Variants in LYN observed in about 807,000 individuals in gnomAD.
LYN encodes the protein tyrosine-protein kinase Lyn.
In LYN, 12 loss-of-function variants were observed where a neutral mutation model predicts 65.0. That is an observed-to-expected ratio of 0.18 (90% CI 0.12 to 0.30). The LOEUF is 0.30. Ranked by LOEUF, LYN falls within the 10% of genes least tolerant of loss-of-function variation. LYN has a pLI of 1.00. For missense variants in LYN, 380 were observed against 623.2 expected (o/e 0.61, Z 4.16); for synonymous variants, 222 against 221.2 (o/e 1.00, Z -0.03).
intron 1 of LYN, among the ~76,000 whole-genome samples, chr8:55,911,285 A>ATT (rs1209633804): frequency 2.9e-4 from 8 of 27,774 alleles, no homozygotes; most frequent in East Asian, 1.2e-3. Context: ...ATATATATAT[A>ATT]TTTTTTTTTT....
At chr8:56,000,555 CG>C (rs1204493421) in intron 12 of LYN, among the ~76,000 whole-genome samples, 1 of 151,524 alleles carries the variant, frequency 6.6e-6, no homozygotes, top group Non-Finnish European at 1.5e-5. Flanking sequence ...GGTGAAACCC[CG>C]TCATTACTAA....
At chr8:55,939,274 T>C (rs1806527587) in intron 1 of LYN, among the ~76,000 whole-genome samples, 1 of 152,158 alleles carries the variant, frequency 6.6e-6, no homozygotes, top group Non-Finnish European at 1.5e-5. Flanking sequence ...AGTGAGGCCA[T>C]GCTAATTCTC....
chr8:55,916,580 G>A (rs1187984542), intron 1 of LYN, among the ~76,000 whole-genome samples: 1 of 151,716 alleles, frequency 6.6e-6, no homozygotes, highest in Non-Finnish European at 1.5e-5. Flanking sequence ...TGTGTTTGAC[G>A]ATGATCCCTG....
intron 5 of LYN, 51 bp from the exon 6 acceptor site, chr8:55,950,628 CTT>C: frequency 6.3e-7 from 1 of 1,574,836 alleles, no homozygotes; most frequent in Non-Finnish European, 8.7e-7. Context: ...TATTCTTCAC[CTT>C]TTTCTTGCCG....
At chr8:55,914,151 G>T (rs1345079834) in intron 1 of LYN, among the ~76,000 whole-genome samples, 1 of 151,852 alleles carries the variant, frequency 6.6e-6, no homozygotes, top group Non-Finnish European at 1.5e-5. Context: ...GAGGGAATAT[G>T]AATGGCATGG....
chr8:55,973,067 G>A (rs1389997943), intron 10 of LYN, among the ~76,000 whole-genome samples: 1 of 152,174 alleles, frequency 6.6e-6, no homozygotes, highest in African/African-American at 2.4e-5. Context: ...AGCCCTAGAA[G>A]AATAAGGGAA....
chr8:55,888,337 T>C (rs1027856143), intron 1 of LYN, among the ~76,000 whole-genome samples: 2 of 152,156 alleles, frequency 1.3e-5, no homozygotes, highest in African/African-American at 4.8e-5. Flanking sequence ...AGTGGGAGGC[T>C]CCACAGGCAG....
intron 10 of LYN, among the ~76,000 whole-genome samples, chr8:55,990,891 C>A (rs539741153): frequency 6.6e-6 from 1 of 152,296 alleles, no homozygotes; most frequent in Non-Finnish European, 1.5e-5. Context: ...ATGTTTTAAA[C>A]CTCATACCCT....
chr8:55,881,364 G>A (rs111253430), intron 1 of LYN, among the ~76,000 whole-genome samples: 2 of 152,216 alleles, frequency 1.3e-5, no homozygotes, highest in Admixed American at 6.5e-5. Flanking sequence ...GTGGGCTACA[G>A]GGATGTTTTC....
chr8:55,988,741 G>A (rs942483308), intron 10 of LYN, among the ~76,000 whole-genome samples: 2 of 152,092 alleles, frequency 1.3e-5, no homozygotes, highest in South Asian at 2.1e-4. Context: ...TTCAGTTCCA[G>A]TTTCTCATTT....
chr8:56,010,471 C>T lies in LYN; in HGVS notation c.*361C>T, dbSNP rs1808783121. On this transcript the variant is annotated 3_prime_UTR_variant, in exon 13 of 13. Coordinates refer to ENST00000519728, the MANE Select transcript of LYN (RefSeq NM_002350.4). Reference sequence around the variant, plus strand: ...GGACTCAAAGTTTCAGAGACCATTGCAATGAATCCCCAATAATTGCAGAAC... The same window carrying T: ...GGACTCAAAGTTTCAGAGACCATTGTAATGAATCCCCAATAATTGCAGAAC... The T allele has an allele frequency of 6.7e-6, 2 of 300,052 alleles. No individual in the cohort carries two copies. The highest frequency in any genetic ancestry group is 2.1e-5 in the African/African-American group (1 of 47,656). 18.6% of individuals were successfully genotyped at this position (300,052 alleles called of 1,614,324 possible). A position where few individuals can be genotyped will look rare whatever the true frequency, so the allele number is the denominator to read the frequency against.
At chr8:55,946,329 G>C (rs57006402) in intron 2 of LYN, 119 bp from the exon 3 acceptor site, 1 of 734,930 alleles carries the variant, frequency 1.4e-6, no homozygotes, top group East Asian at 2.5e-5. Context: ...TGTTCTTTCT[G>C]ACTTAATAAA....
At chr8:55,960,000 A>T (rs542391442) in intron 8 of LYN, among the ~76,000 whole-genome samples, 8 of 152,194 alleles carry the variant, frequency 5.3e-5, no homozygotes, top group Non-Finnish European at 1.2e-4. Flanking sequence ...CTGGTTGCCT[A>T]GGGCTGGGGG....
Sources: gnomAD v4.1 joint callset for allele counts (sites outside exome capture counted in the v4.1 genomes callset) on GRCh38, gnomAD v4.1.1 for gene constraint, MANE v1.5 for transcripts, NCBI Gene and HGNC (gene_info 2026-07-23, HGNC 2026-07-21) for gene names.